The following CFAP299 variants were observed in gnomAD, a reference collection of about 807,000 sequenced individuals.
The protein encoded by CFAP299 is cilia and flagella associated protein 299.
A neutral mutation model predicts 27.0 loss-of-function variants in CFAP299; 21 were observed. The observed-to-expected ratio is 0.78, with a 90% CI of 0.55 to 1.12. The LOEUF is 1.12. Among genes scored for constraint, CFAP299 ranks in the 50% most tolerant of loss-of-function variants. The pLI, the probability that CFAP299 is intolerant of heterozygous loss-of-function variation, is 0.00. For missense variants in CFAP299, 310 were observed against 276.6 expected (o/e 1.12, Z -0.86); for synonymous variants, 104 against 98.1 (o/e 1.06, Z -0.36).
In CFAP299 at chr4:80,425,575, C is replaced by G. The variant is rs191910602; in HGVS notation, c.242+62691C>G. Among the ~76,000 whole-genome samples, 93 of 152,266 alleles carry G rather than the reference C, an allele frequency of 6.1e-4. 1 individual carries two copies. Among genetic ancestry groups the G allele is most frequent in the African/African-American group, 2.2e-3 (90 of 41,556 alleles). ...GTTATTTTCTCATTCCATTATCCAT[C>G]CCTAGGTCTTTTCACTTAGAATCTT... On this transcript the variant is annotated intron_variant, in intron 2 of 5. Transcript: ENST00000358105.
intron 2 of CFAP299, among the ~76,000 whole-genome samples, chr4:80,505,306 C>A (rs1731968311): frequency 6.6e-6 from 1 of 151,972 alleles, no homozygotes. Context: ...AAATCCAGTT[C>A]TTTTCTGAAA....
chr4:80,677,243 GT>G (rs1243502565), intron 3 of CFAP299, among the ~76,000 whole-genome samples: 1 of 151,864 alleles, frequency 6.6e-6, no homozygotes, highest in African/African-American at 2.4e-5. Flanking sequence ...ATTTCCATGT[GT>G]TTGTGTATTT....
intron 3 of CFAP299, among the ~76,000 whole-genome samples, chr4:80,695,607 G>A (rs1721037371): frequency 2.6e-5 from 4 of 151,454 alleles, no homozygotes; most frequent in Non-Finnish European, 5.9e-5. Context: ...AAATCAACCA[G>A]TGTAGACCAC....
At chr4:80,825,585 G>A (rs1471071740) in intron 3 of CFAP299, among the ~76,000 whole-genome samples, 1 of 151,800 alleles carries the variant, frequency 6.6e-6, no homozygotes, top group Non-Finnish European at 1.5e-5. Context: ...AGAAGGCAGT[G>A]AACTAATTTT....
chr4:80,595,063 C>T (rs1211275439), intron 3 of CFAP299, among the ~76,000 whole-genome samples: 2 of 152,140 alleles, frequency 1.3e-5, no homozygotes, highest in Non-Finnish European at 2.9e-5. Flanking sequence ...GTCGCCAGTC[C>T]TTTGCCTGGG....
intron 5 of CFAP299, among the ~76,000 whole-genome samples, chr4:80,950,265 T>TC (rs1553909137): frequency 1.3e-5 from 2 of 150,488 alleles, no homozygotes; most frequent in African/African-American, 4.9e-5. Flanking sequence ...CCCCCCCCTT[T>TC]CTCATTTGAT....
At chr4:80,541,644 A>G (rs1167681689) in intron 2 of CFAP299, among the ~76,000 whole-genome samples, 2 of 152,192 alleles carry the variant, frequency 1.3e-5, no homozygotes, top group African/African-American at 4.8e-5. Flanking sequence ...GGTACTTCAT[A>G]AATTAATTTA....
At chr4:80,332,200 G>A (rs1315086801), upstream of CFAP299, among the ~76,000 whole-genome samples, 4 of 152,196 alleles carry the variant, frequency 2.6e-5, no homozygotes, top group South Asian at 2.1e-4. Context: ...GGAGCAGTGC[G>A]TAAAAACAGA....
At chr4:80,602,002 C>G (rs1195889207) in intron 3 of CFAP299, among the ~76,000 whole-genome samples, 1 of 152,116 alleles carries the variant, frequency 6.6e-6, no homozygotes, top group East Asian at 1.9e-4. Context: ...TAAGCGGGAG[C>G]TAAATGATGA....
intron 5 of CFAP299, among the ~76,000 whole-genome samples, chr4:80,958,144 C>G (rs919422822): frequency 6.6e-6 from 1 of 152,128 alleles, no homozygotes; most frequent in East Asian, 1.9e-4. Context: ...AAATTATTCT[C>G]TTCTAAAAGT....
intron 3 of CFAP299, among the ~76,000 whole-genome samples, chr4:80,797,622 T>C (rs969229977): frequency 1.3e-5 from 2 of 152,140 alleles, no homozygotes; most frequent in Non-Finnish European, 2.9e-5. Context: ...ATTTAAATTT[T>C]ATAGTTGAGT....
At chr4:80,722,285 C>T (rs975247152) in intron 3 of CFAP299, among the ~76,000 whole-genome samples, 14 of 151,694 alleles carry the variant, frequency 9.2e-5, no homozygotes, top group African/African-American at 2.9e-4. Context: ...GACGTGGTGG[C>T]GCATGGCTGT....
intron 3 of CFAP299, among the ~76,000 whole-genome samples, chr4:80,730,058 C>A (rs1032846783): frequency 1.3e-5 from 2 of 152,026 alleles, no homozygotes; most frequent in African/African-American, 4.8e-5. Context: ...TCAAATAGAC[C>A]ATTCAGACAT....
chr4:80,718,354 A>C (rs1299796540), intron 3 of CFAP299, among the ~76,000 whole-genome samples: 1 of 152,068 alleles, frequency 6.6e-6, no homozygotes, highest in African/African-American at 2.4e-5. Flanking sequence ...ATTTTTGGTG[A>C]ATTGAAGAAA....
intron 2 of CFAP299, among the ~76,000 whole-genome samples, chr4:80,566,432 C>G (rs1249242492): frequency 6.7e-6 from 1 of 149,976 alleles, no homozygotes. Flanking sequence ...TGTACAGTTA[C>G]TGAGAAATGC....
At chr4:80,779,381 C>T (rs1479899021) in intron 3 of CFAP299, among the ~76,000 whole-genome samples, 1 of 152,090 alleles carries the variant, frequency 6.6e-6, no homozygotes, top group East Asian at 1.9e-4. Flanking sequence ...AGGTCATAGC[C>T]TGTCCAGCCC....
chr4:80,436,593 T>C (rs887921484), intron 2 of CFAP299, among the ~76,000 whole-genome samples: 2 of 152,160 alleles, frequency 1.3e-5, no homozygotes, highest in African/African-American at 4.8e-5. Flanking sequence ...TGAGCCACCG[T>C]GCCTGGCCAA....
At chr4:80,382,426 T>C (rs1724749234) in intron 2 of CFAP299, among the ~76,000 whole-genome samples, 1 of 152,202 alleles carries the variant, frequency 6.6e-6, no homozygotes. Context: ...GAGAAAATTT[T>C]TGAAAACTAT....
intron 2 of CFAP299, among the ~76,000 whole-genome samples, chr4:80,451,074 C>T (rs1728881771): frequency 6.6e-6 from 1 of 152,112 alleles, no homozygotes; most frequent in Non-Finnish European, 1.5e-5. Flanking sequence ...AACAAAATCT[C>T]ACAGAGTGGG....
Sources: gnomAD v4.1 joint callset for allele counts (sites outside exome capture counted in the v4.1 genomes callset) on GRCh38, gnomAD v4.1.1 for gene constraint, MANE v1.5 for transcripts, NCBI Gene and HGNC (gene_info 2026-07-23, HGNC 2026-07-21) for gene names.